RPL15: variants seen among roughly 807,000 people sequenced by gnomAD.
The protein encoded by RPL15 is large ribosomal subunit protein eL15.
For missense variants in RPL15, 161 were observed against 271.8 expected, an observed-to-expected ratio of 0.59 and a Z score of 2.87; for synonymous variants, 97 against 95.1, an observed-to-expected ratio of 1.02 and a Z score of -0.12.
chr3:23,921,142 A>G (rs575709340), downstream of RPL15, among the ~76,000 whole-genome samples: 12 of 152,316 alleles, frequency 7.9e-5, no homozygotes, highest in African/African-American at 2.9e-4. Flanking sequence ...AACAAAAAAA[A>G]TCCTTAAACA....
rs181403520 is a variant in RPL15, at chr3:23,919,807, T to C, written c.*306T>C. ...AAGGAGAGAACTGAAACTAGCCCTG[T>C]AGATTTGTCTGGTGCATGTGATGAA... On this transcript the variant is annotated 3_prime_UTR_variant, in exon 4 of 4. Transcript: ENST00000307839. 4 of 1,063,998 alleles carry C rather than the reference T, an allele frequency of 3.8e-6. No homozygotes were observed. Among genetic ancestry groups the C allele is most frequent in the East Asian group, 1.4e-4 (2 of 14,792 alleles). The allele number at this position is 1,063,998 out of a possible 1,614,324, so 65.9% of individuals were successfully genotyped here.
intron 3 of RPL15, 95 bp downstream of exon 3, chr3:23,918,671 G>A: frequency 7.1e-7 from 1 of 1,399,412 alleles, no homozygotes; most frequent in Non-Finnish European, 9.7e-7. Flanking sequence ...TAGGTGAGCT[G>A]TCTCGTATAT....
rs1416595982 is a variant in RPL15, at chr3:23,918,343, T to C, written c.173-97T>C. The C allele has an allele frequency of 2.2e-6, 3 of 1,365,828 alleles. No individual in the cohort carries two copies. In the African/African-American group the frequency reaches 4.4e-5, roughly 20 times the overall value. The allele number at this position is 1,365,828 out of a possible 1,614,324, so 84.6% of individuals were successfully genotyped here. ...TCTATTAGATAGCATTAACTTACTGTTGAAGTATTTTTGGTGGAGTATTAG... is the reference window on the plus strand; with the variant it reads ...TCTATTAGATAGCATTAACTTACTGCTGAAGTATTTTTGGTGGAGTATTAG... On this transcript the variant is annotated intron_variant, in intron 2 of 3. Transcript: ENST00000307839.
rs1191407380 is a variant in RPL15, at chr3:23,920,020, C to G, written c.*519C>G. 1 of 986,402 alleles carries G rather than the reference C, an allele frequency of 1.0e-6. No homozygotes were observed. The highest frequency in any genetic ancestry group is 1.7e-5 in the African/African-American group (1 of 57,234). The allele number at this position is 986,402 out of a possible 1,614,324, so 61.1% of individuals were successfully genotyped here. ...ACATAAAAGGTGAAAGCTCCTGGTT[C>G]AGTGCCATGGCTTCATGGCATTCAG... On this transcript the variant is annotated 3_prime_UTR_variant, in exon 4 of 4. Transcript: ENST00000307839.
chr3:23,917,492 ATCC>A (rs1440270068), intron 1 of RPL15: 2 of 169,100 alleles, frequency 1.2e-5, no homozygotes, highest in African/African-American at 4.8e-5. Context: ...TCGAGAGTTA[ATCC>A]TCGGTGGCCG....
chr3:23,921,577 T>G (rs776571121), downstream of RPL15: 470 of 659,074 alleles, frequency 7.1e-4, no homozygotes, highest in Middle Eastern at 1.6e-3. Context: ...TGAGTTTTTT[T>G]TTTTTTTTTT....
upstream of RPL15, chr3:23,916,958 G>C (rs1302638332): frequency 1.3e-5 from 2 of 152,670 alleles, no homozygotes; most frequent in Non-Finnish European, 2.9e-5. Context: ...GGCCGCTCAG[G>C]CTCGAATCTT....
downstream of RPL15, among the ~76,000 whole-genome samples, chr3:23,921,311 CAA>C: frequency 6.6e-6 from 1 of 152,292 alleles, no homozygotes; most frequent in African/African-American, 2.4e-5. Flanking sequence ...GCAAAAAAAT[CAA>C]AAGTCCTCAT....
rs1185371971 is a variant in RPL15, at chr3:23,920,808, G to C, written c.*1307G>C. The stretch of plus-strand genomic sequence containing the variant: ...CATACATTTTAATTGTGTAGAGGTT[G>C]TTCAACTGAAGGAATAAATGTCTAT... On this transcript the variant is annotated 3_prime_UTR_variant, in exon 4 of 4. Transcript: ENST00000307839. 1.1e-6 allele frequency: 1 copy of C among 952,144 alleles called. No homozygotes were observed. Among genetic ancestry groups the C allele is most frequent in the Admixed American group, 6.2e-5 (1 of 16,208 alleles). 59.0% of individuals were successfully genotyped at this position (952,144 alleles called of 1,614,324 possible).
At chr3:23,921,565 AT>A (rs1409927973), downstream of RPL15, 1 of 595,112 alleles carries the variant, frequency 1.7e-6, no homozygotes, top group Non-Finnish European at 3.0e-6. Flanking sequence ...AACATTGATT[AT>A]TGAGTTTTTT....
rs1241872696 is a variant in RPL15 at position 23,920,245 on chromosome 3, T to A, written c.*744T>A. 1 of 985,668 alleles carries A rather than the reference T, an allele frequency of 1.0e-6. No homozygotes were observed. 61.1% of individuals were successfully genotyped at this position (985,668 alleles called of 1,614,324 possible). The stretch of plus-strand genomic sequence containing the variant: ...ACCGTAATGCTAATTGTGATCATTA[T>A]GAATCCCTTCAGTCACATTAGGGGG... On this transcript the variant is annotated 3_prime_UTR_variant, in exon 4 of 4. Transcript: ENST00000307839.
chr3:23,923,258 T>C (rs1024168556), downstream of RPL15: 3 of 150,556 alleles, frequency 2.0e-5, no homozygotes, highest in South Asian at 2.1e-4. Context: ...TTTGCTCTTA[T>C]AGCCCAGGTT....
chr3:23,921,569 A>ATT, downstream of RPL15: 5 of 512,664 alleles, frequency 9.8e-6, no homozygotes, highest in Non-Finnish European at 1.7e-5. Context: ...TTGATTATTG[A>ATT]GTTTTTTTTT....
At position 23,920,380 on chromosome 3, in the gene RPL15, G is replaced by C; in HGVS notation, c.*879G>C. On this transcript the variant is annotated 3_prime_UTR_variant, in exon 4 of 4. Coordinates refer to ENST00000307839, the MANE Select transcript of RPL15 (RefSeq NM_002948.5). ...GCTACAGAAAAAGTCACAAGCGCAT[G>C]GTTTCCAACCATATGTGTTTTCTGC... 1.0e-6 allele frequency: 1 copy of C among 985,372 alleles called. No individual in the cohort carries two copies. Among genetic ancestry groups the C allele is most frequent in the Non-Finnish European group, 1.2e-6 (1 of 829,874 alleles). 61.0% of individuals were successfully genotyped at this position (985,372 alleles called of 1,614,324 possible).
intron 3 of RPL15, 130 bp downstream of exon 3, chr3:23,918,706 A>T: frequency 9.1e-7 from 1 of 1,099,964 alleles, no homozygotes; most frequent in Non-Finnish European, 1.3e-6. Flanking sequence ...GATTTTTACT[A>T]ATCTTGGTGA....
chr3:23,919,972 C>T lies in RPL15; in HGVS notation c.*471C>T, dbSNP rs1704981222. On this transcript the variant is annotated 3_prime_UTR_variant, in exon 4 of 4. Coordinates refer to ENST00000307839, the MANE Select transcript of RPL15 (RefSeq NM_002948.5). The stretch of plus-strand genomic sequence containing the variant: ...TTAGCCTGAAGAAAATTGCCTCAGC[C>T]TCCACAGTACCATTTTAAATTCACA... 4.0e-6 allele frequency: 4 copies of T among 988,068 alleles called. No individual in the cohort carries two copies. The highest frequency in any genetic ancestry group is 1.7e-5 in the African/African-American group (1 of 57,370). 61.2% of individuals were successfully genotyped at this position (988,068 alleles called of 1,614,324 possible).
intron 1 of RPL15, 91 bp from the exon 2 acceptor site, chr3:23,917,759 C>T (rs796108753): frequency 5.2e-6 from 7 of 1,336,018 alleles, no homozygotes; most frequent in Middle Eastern, 2.7e-4. Context: ...CGGCGGTTTC[C>T]TTGTTTTTGT....
intron 3 of RPL15, chr3:23,918,976 T>A: frequency 1.7e-6 from 1 of 587,458 alleles, no homozygotes. Flanking sequence ...GAATGGAGTA[T>A]TAAGAGGGAA....
chr3:23,917,767 TG>T (rs1394781997), intron 1 of RPL15, 82 bp from the exon 2 acceptor site: 5 of 1,384,186 alleles, frequency 3.6e-6, no homozygotes, highest in Non-Finnish European at 4.9e-6. Context: ...TCCTTGTTTT[TG>T]TTGGGGAACT....
Sources: allele counts gnomAD v4.1 joint callset (sites outside exome capture counted in the v4.1 genomes callset), GRCh38; gene constraint gnomAD v4.1.1; transcripts MANE v1.5; gene names NCBI Gene and HGNC (gene_info 2026-07-23, HGNC 2026-07-21).